SGCZ: variants seen among roughly 807,000 people sequenced by gnomAD.
The protein encoded by SGCZ is zeta-sarcoglycan.
Under a neutral mutation model 41.3 loss-of-function variants are expected in SGCZ, and 40 were observed. The ratio of observed to expected loss-of-function variants is 0.97; its 90% CI spans 0.75 to 1.26. The LOEUF (loss-of-function observed/expected upper bound fraction) is 1.26. Ranked by LOEUF, SGCZ falls within the 50% of genes most tolerant of loss-of-function variation. The pLI, the probability that SGCZ is intolerant of heterozygous loss-of-function variation, is 0.00. For missense variants in SGCZ, 552 were observed against 369.8 expected (o/e 1.49, Z -4.04); for synonymous variants, 206 against 137.5 (o/e 1.50, Z -3.49).
At chr8:14,297,704 T>G (rs35506765) in intron 3 of SGCZ, among the ~76,000 whole-genome samples, 7,393 of 152,036 alleles carry the variant, frequency 0.049, 267 homozygotes, top group East Asian at 0.17. Flanking sequence ...TAAAAAGCAA[T>G]AGAACATCTA....
chr8:14,146,776 G>C (rs1218834810), intron 5 of SGCZ, among the ~76,000 whole-genome samples: 11 of 144,932 alleles, frequency 7.6e-5, no homozygotes, highest in African/African-American at 2.9e-4. Context: ...GGAGGCTGAG[G>C]CAGGAGAATG....
chr8:14,642,693 T>A (rs761371325), intron 1 of SGCZ, among the ~76,000 whole-genome samples: 7 of 151,566 alleles, frequency 4.6e-5, no homozygotes, highest in African/African-American at 7.2e-5. Context: ...ACAAGATAAC[T>A]GGTCTTTTTT....
chr8:14,226,207 G>C (rs1482095797), intron 4 of SGCZ, among the ~76,000 whole-genome samples: 1 of 151,998 alleles, frequency 6.6e-6, no homozygotes, highest in African/African-American at 2.4e-5. Flanking sequence ...TATAAAAAAA[G>C]ACAGACATCA....
chr8:14,093,483 C>T (rs1321567241), intron 7 of SGCZ, among the ~76,000 whole-genome samples: 1 of 152,080 alleles, frequency 6.6e-6, no homozygotes, highest in Admixed American at 6.6e-5. Flanking sequence ...CCTCTTGCTC[C>T]AGTTCTTGCA....
At chr8:14,940,759 GTGTCTGTGTT>G (rs1800247911) in intron 1 of SGCZ, among the ~76,000 whole-genome samples, 1 of 152,096 alleles carries the variant, frequency 6.6e-6, no homozygotes, top group Non-Finnish European at 1.5e-5. Context: ...ATGTGTGTGT[GTGTCTGTGTT>G]TGTGTACACA....
chr8:14,167,682 T>A (rs997342361), intron 4 of SGCZ, among the ~76,000 whole-genome samples: 18 of 152,184 alleles, frequency 1.2e-4, no homozygotes, highest in Non-Finnish European at 2.5e-4. Context: ...TCTACTTTTT[T>A]AAATGTTCTA....
chr8:14,422,947 A>C (rs1455237746), intron 2 of SGCZ, among the ~76,000 whole-genome samples: 1 of 152,124 alleles, frequency 6.6e-6, no homozygotes, highest in Non-Finnish European at 1.5e-5. Context: ...AGAATGGTTT[A>C]AACTGAGCAG....
At chr8:14,941,978 G>A (rs11785078) in intron 1 of SGCZ, among the ~76,000 whole-genome samples, 59,579 of 151,584 alleles carry the variant, frequency 0.39, 11,956 homozygotes, top group African/African-American at 0.45. Flanking sequence ...ACTGTTCCAT[G>A]TATATCATCA....
At chr8:15,112,239 C>CA (rs1304827007) in intron 1 of SGCZ, among the ~76,000 whole-genome samples, 1 of 152,168 alleles carries the variant, frequency 6.6e-6, no homozygotes, top group Non-Finnish European at 1.5e-5. Context: ...AATATACCAC[C>CA]AGCACTACCC....
At chr8:14,190,847 C>A (rs2117046376) in intron 4 of SGCZ, among the ~76,000 whole-genome samples, 1 of 152,218 alleles carries the variant, frequency 6.6e-6, no homozygotes, top group Admixed American at 6.5e-5. Context: ...TGTGATCCAC[C>A]CGCCTCGGAC....
At chr8:14,743,965 C>A (rs1258721747) in intron 1 of SGCZ, among the ~76,000 whole-genome samples, 2 of 152,086 alleles carry the variant, frequency 1.3e-5, no homozygotes, top group Non-Finnish European at 2.9e-5. Context: ...GTTTCATAAT[C>A]TTTTCCTCTA....
chr8:15,049,596 T>G (rs1397098368), intron 1 of SGCZ, among the ~76,000 whole-genome samples: 5 of 152,150 alleles, frequency 3.3e-5, no homozygotes, highest in East Asian at 3.9e-4. Context: ...GGCAGAGATA[T>G]GTACTGCCAC....
intron 1 of SGCZ, among the ~76,000 whole-genome samples, chr8:14,859,812 C>A (rs916831195): frequency 7.9e-5 from 12 of 152,098 alleles, no homozygotes. Flanking sequence ...CGAAGCTCCA[C>A]AAAAAGAGAT....
At chr8:14,094,352 C>T (rs570227515) in intron 7 of SGCZ, among the ~76,000 whole-genome samples, 28 of 152,100 alleles carry the variant, frequency 1.8e-4, no homozygotes, top group Non-Finnish European at 4.0e-4. Flanking sequence ...CATGTATTCT[C>T]ATTGTTCAAC....
chr8:14,205,556 G>A (rs1805589897), intron 4 of SGCZ, among the ~76,000 whole-genome samples: 2 of 152,018 alleles, frequency 1.3e-5, no homozygotes, highest in Admixed American at 1.3e-4. Context: ...ACAGTTCAGG[G>A]CTGAAAGAGA....
chr8:14,208,621 T>G (rs1016206523), intron 4 of SGCZ, among the ~76,000 whole-genome samples: 3 of 151,080 alleles, frequency 2.0e-5, no homozygotes, highest in African/African-American at 7.3e-5. Flanking sequence ...GACATTTTTC[T>G]TTTTTTTTGG....
At chr8:14,560,473 G>C (rs1162474821) in intron 1 of SGCZ, among the ~76,000 whole-genome samples, 1 of 152,040 alleles carries the variant, frequency 6.6e-6, no homozygotes, top group Non-Finnish European at 1.5e-5. Flanking sequence ...GAGGAGCATA[G>C]GAGAAAGCTG....
At chr8:15,147,051 A>T (rs569297966) in intron 1 of SGCZ, among the ~76,000 whole-genome samples, 1 of 152,316 alleles carries the variant, frequency 6.6e-6, no homozygotes, top group African/African-American at 2.4e-5. Flanking sequence ...TCATCATGAA[A>T]TTACCTTTCA....
intron 1 of SGCZ, among the ~76,000 whole-genome samples, chr8:14,654,482 T>A (rs950724620): frequency 6.6e-6 from 1 of 152,132 alleles, no homozygotes; most frequent in Non-Finnish European, 1.5e-5. Context: ...TTTAAATCTC[T>A]TAGAAAATTG....
Sources: gnomAD v4.1 joint callset for allele counts (sites outside exome capture counted in the v4.1 genomes callset) on GRCh38, gnomAD v4.1.1 for gene constraint, MANE v1.5 for transcripts, NCBI Gene and HGNC (gene_info 2026-07-23, HGNC 2026-07-21) for gene names.